ZC3H7A: variants seen among roughly 807,000 people sequenced by gnomAD.
ZC3H7A encodes zinc finger CCCH-type containing 7A, also known as zinc finger CCCH domain-containing protein 7A.
ZC3H7A carries 44 observed loss-of-function variants against 125.5 expected under a neutral mutation model. That is an observed-to-expected ratio of 0.35 (90% confidence interval 0.28 to 0.45). ZC3H7A has a LOEUF of 0.45. Among genes scored for constraint, ZC3H7A ranks in the 20% least tolerant of loss-of-function variants. ZC3H7A has a pLI of 1.00. For missense variants in ZC3H7A, 977 were observed against 1,170.7 expected, an observed-to-expected ratio of 0.83 and a Z score of 2.41; for synonymous variants, 399 against 391.2, an observed-to-expected ratio of 1.02 and a Z score of -0.23.
At chr16:11,782,177 A>G in intron 2 of ZC3H7A, 110 bp downstream of exon 2, 1 of 1,217,002 alleles carries the variant, frequency 8.2e-7, no homozygotes, top group Non-Finnish European at 1.2e-6. Flanking sequence ...TCTAACCCAA[A>G]TTAACTGGAC....
At chr16:11,782,891 G>C (rs1025034332) in intron 1 of ZC3H7A, 24 of 153,900 alleles carry the variant, frequency 1.6e-4, no homozygotes, top group Non-Finnish European at 1.2e-4. Flanking sequence ...TGGGATTATA[G>C]GTGTGAGCCA....
At position 11,788,761 on chromosome 16, in the gene ZC3H7A, G is replaced by A. The variant is rs1486677050; in HGVS notation, c.-34-6373C>T. Among the ~76,000 whole-genome samples the A allele has an allele frequency of 4.6e-5, 7 of 151,796 alleles. No individual in the cohort carries two copies. In the Middle Eastern group the frequency reaches 0.014, roughly 295 times the overall value. On this transcript the variant is annotated intron_variant, in intron 1 of 22. Coordinates refer to ENST00000355758, the MANE Select transcript of ZC3H7A (RefSeq NM_014153.4). ...CCCCAGTATCTGGGGTTACAGGTACGCACCAGCACACCCAGCTAATTTTTG... is the reference window on the plus strand; with the variant it reads ...CCCCAGTATCTGGGGTTACAGGTACACACCAGCACACCCAGCTAATTTTTG...
At chr16:11,754,342 A>T (rs988369547) in intron 21 of ZC3H7A, among the ~76,000 whole-genome samples, 1 of 148,738 alleles carries the variant, frequency 6.7e-6, no homozygotes, top group African/African-American at 2.5e-5. Context: ...ATATATAATA[A>T]AATAAACACC....
rs1346229459 is a variant in ZC3H7A, at chr16:11,765,770, T to C, written c.1523-85A>G. The C allele has an allele frequency of 7.3e-7, 1 of 1,378,238 alleles. No homozygotes were observed. Among genetic ancestry groups the C allele is most frequent in the African/African-American group, 1.4e-5 (1 of 69,496 alleles). 85.4% of individuals were successfully genotyped at this position (1,378,238 alleles called of 1,614,324 possible). ...TACTTGGGAGGCTGAGGTGGGAGGA[T>C]CCCTTGAGCCCAGGAGTTCAAGGCT... On this transcript the variant is annotated intron_variant, in intron 13 of 22. Transcript: ENST00000355758. This position sits in a 1 kb window ranked among gnomAD's most constrained non-coding sequence, Gnocchi z 4.8.
rs542354480 is a variant in ZC3H7A at position 11,762,751 on chromosome 16, G to A, written c.2003-4C>T. 1.2e-6 allele frequency: 2 copies of A among 1,613,354 alleles called. No individual in the cohort carries two copies. The highest frequency in any genetic ancestry group is 2.2e-5 in the East Asian group (1 of 44,866). On this transcript the variant is annotated splice_polypyrimidine_tract_variant and splice_region_variant and intron_variant, in intron 16 of 22. Coordinates refer to ENST00000355758, the MANE Select transcript of ZC3H7A (RefSeq NM_014153.4). ...GCAATAGCATCATGTGAGATACCTGGGGAATGTACAAGCCTTCCTTTAAAT... is the reference window on the plus strand; with the variant it reads ...GCAATAGCATCATGTGAGATACCTGAGGAATGTACAAGCCTTCCTTTAAAT...
intron 1 of ZC3H7A, among the ~76,000 whole-genome samples, chr16:11,793,594 C>T (rs2053386996): frequency 1.3e-5 from 2 of 152,174 alleles, no homozygotes; most frequent in East Asian, 1.9e-4. Context: ...AATTCTATCC[C>T]CAGACTGAAG....
chr16:11,792,504 A>T (rs1452387502), intron 1 of ZC3H7A, among the ~76,000 whole-genome samples: 1 of 152,232 alleles, frequency 6.6e-6, no homozygotes, highest in Non-Finnish European at 1.5e-5. Flanking sequence ...TGGTAACTTT[A>T]GAAACTAGCT....
In ZC3H7A at chr16:11,756,390, T is replaced by C. The variant is rs1471017553; in HGVS notation, c.2429-20A>G. On this transcript the variant is annotated intron_variant, in intron 20 of 22. Coordinates refer to ENST00000355758, the MANE Select transcript of ZC3H7A (RefSeq NM_014153.4). ...CTTGTACTAAAGAAAAATGAATTAC[T>C]TTCAGCAGCAGCAACTAAACTCCAT... is the stretch of plus-strand genomic sequence containing the variant. 2 of 1,607,222 alleles carry C rather than the reference T, an allele frequency of 1.2e-6. No homozygotes were observed. The highest frequency in any genetic ancestry group is 8.5e-7 in the Non-Finnish European group (1 of 1,177,882).
At chr16:11,767,651 C>T in intron 12 of ZC3H7A, 73 bp from the exon 13 acceptor site, 1 of 1,352,984 alleles carries the variant, frequency 7.4e-7, no homozygotes, top group Non-Finnish European at 9.9e-7. Flanking sequence ...AATTTACAAG[C>T]AGACATGAAC....
intron 1 of ZC3H7A, among the ~76,000 whole-genome samples, chr16:11,794,473 T>G (rs1408228816): frequency 2.0e-5 from 3 of 152,196 alleles, no homozygotes; most frequent in African/African-American, 7.2e-5. Context: ...TAAAATTTCT[T>G]CTTGATTTGC....
chr16:11,754,313 G>GA (rs150512321), intron 21 of ZC3H7A, among the ~76,000 whole-genome samples: 57,634 of 119,496 alleles, frequency 0.48, 14,697 homozygotes, highest in East Asian at 0.72. Context: ...AAAAAAGGAA[G>GA]AAAAAAAAAT....
chr16:11,786,530 T>TCA, intron 1 of ZC3H7A, among the ~76,000 whole-genome samples: 1 of 152,282 alleles, frequency 6.6e-6, no homozygotes, highest in East Asian at 1.9e-4. Context: ...ACCTTGAACC[T>TCA]CAACCTTATA....
intron 20 of ZC3H7A, 143 bp downstream of exon 20, chr16:11,758,288 C>T (rs1257029417): frequency 1.2e-5 from 8 of 677,968 alleles, no homozygotes; most frequent in African/African-American, 3.6e-5. Context: ...CAGGCATCAT[C>T]GCCAACAGAG....
At chr16:11,774,955 G>A (rs1445196062) in intron 8 of ZC3H7A, 25 bp downstream of exon 8, 1 of 1,613,230 alleles carries the variant, frequency 6.2e-7, no homozygotes, top group African/African-American at 1.3e-5. Flanking sequence ...TATTCAAATT[G>A]TTAAGATGAT....
chr16:11,795,839 G>C (rs1306353003), intron 1 of ZC3H7A, among the ~76,000 whole-genome samples: 1 of 152,202 alleles, frequency 6.6e-6, no homozygotes, highest in African/African-American at 2.4e-5. Flanking sequence ...TTTTGAGACA[G>C]TGTCCCAGGC....
At position 11,763,597 on chromosome 16, in the gene ZC3H7A, C is replaced by T; in HGVS notation, c.1883G>A (p.Gly628Asp). The T allele has an allele frequency of 1.2e-6, 2 of 1,609,510 alleles. No homozygotes were observed. Among genetic ancestry groups the T allele is most frequent in the Non-Finnish European group, 1.7e-6 (2 of 1,177,588 alleles). Residue 628 changes from glycine to aspartate, a missense_variant, in exon 16 of 23, where the codon GGT (glycine) becomes GAT (aspartate). Physicochemically the swap from Gly to Asp is moderately conservative, Grantham distance 94 (BLOSUM62 -1). Around this residue, in one of 3 missense-constraint regions of ZC3H7A, gnomAD observed 436 missense variants for 603.2 expected, o/e 0.72. Coordinates refer to ENST00000355758, the MANE Select transcript of ZC3H7A (RefSeq NM_014153.4). ...VKYSKIRSFH[G>D]QCQLDLCRHE... The stretch of plus-strand genomic sequence containing the variant: ...TCGACATAAATCAAGCTGACACTGA[C>T]CATGAAAAGAACGTATTTTGGAGTA...
At chr16:11,769,273 G>C (rs2052924897) in intron 10 of ZC3H7A, among the ~76,000 whole-genome samples, 178 bp from the exon 11 acceptor site, 1 of 152,088 alleles carries the variant, frequency 6.6e-6, no homozygotes, top group South Asian at 2.1e-4. Flanking sequence ...CTTTCCTCTA[G>C]AAACCAAGGG....
intron 2 of ZC3H7A, 65 bp downstream of exon 2, chr16:11,782,222 C>T: frequency 6.3e-7 from 1 of 1,586,978 alleles, no homozygotes; most frequent in Non-Finnish European, 8.7e-7. Context: ...TTCCTCTCCA[C>T]AAAACATACA....
At chr16:11,767,768 C>T (rs531695023) in intron 12 of ZC3H7A, among the ~76,000 whole-genome samples, 190 bp from the exon 13 acceptor site, 45 of 152,158 alleles carry the variant, frequency 3.0e-4, no homozygotes, top group African/African-American at 1.1e-3. Flanking sequence ...TATCAGACAA[C>T]ACAATGTTCT....
Sources: gnomAD v4.1 joint callset for allele counts (sites outside exome capture counted in the v4.1 genomes callset) on GRCh38, gnomAD v4.1.1 for gene constraint, gnomAD v4.1.1 regional missense constraint, Gnocchi (gnomAD v3.1) non-coding constraint, MANE v1.5 for transcripts, NCBI Gene and HGNC (gene_info 2026-07-23, HGNC 2026-07-21) for gene names.